RTN1: variants seen among roughly 807,000 people sequenced by gnomAD.
The protein encoded by RTN1 is reticulon-1.
In RTN1, 25 loss-of-function variants were observed where a neutral mutation model predicts 65.5. The ratio of observed to expected loss-of-function variants is 0.38; its 90% confidence interval spans 0.28 to 0.53. The LOEUF is 0.53. Among genes scored for constraint, RTN1 ranks in the 20% least tolerant of loss-of-function variants. The probability of loss-of-function intolerance (pLI) is 0.79; values close to 1 mark genes in which losing one functional copy is unlikely to be tolerated. For missense variants in RTN1, 983 were observed against 1,025.4 expected (o/e 0.96, Z 0.57); for synonymous variants, 471 against 447.6 (o/e 1.05, Z -0.66).
intron 2 of RTN1, among the ~76,000 whole-genome samples, chr14:59,729,590 C>T (rs1042234915): frequency 3.3e-5 from 5 of 152,096 alleles, no homozygotes; most frequent in African/African-American, 4.8e-5. Context: ...GACTAGAGCA[C>T]GGAGAAATAA....
chr14:59,638,989 C>T (rs757052538), intron 3 of RTN1, among the ~76,000 whole-genome samples: 1 of 152,164 alleles, frequency 6.6e-6, no homozygotes, highest in African/African-American at 2.4e-5. Flanking sequence ...TCATTTCTAG[C>T]GTTTGATTTA....
intron 3 of RTN1, among the ~76,000 whole-genome samples, chr14:59,648,007 GT>G (rs1882937277): frequency 6.6e-6 from 1 of 152,012 alleles, no homozygotes; most frequent in South Asian, 2.1e-4. Flanking sequence ...AAGAGTTGGT[GT>G]TTTGAAAAAC....
At chr14:59,740,028 T>C (rs1237291834) in intron 2 of RTN1, among the ~76,000 whole-genome samples, 3 of 152,166 alleles carry the variant, frequency 2.0e-5, no homozygotes, top group Admixed American at 6.5e-5. Context: ...TGGTGCCCAC[T>C]CATTCTGCAC....
chr14:59,692,116 C>G (rs1488511294), intron 3 of RTN1, among the ~76,000 whole-genome samples: 1 of 152,088 alleles, frequency 6.6e-6, no homozygotes, highest in Non-Finnish European at 1.5e-5. Context: ...AAAAGACATT[C>G]AAACAGGAAA....
At chr14:59,717,584 T>C (rs1221926484) in intron 3 of RTN1, among the ~76,000 whole-genome samples, 1 of 152,174 alleles carries the variant, frequency 6.6e-6, no homozygotes, top group Non-Finnish European at 1.5e-5. Flanking sequence ...CCATATACTG[T>C]TGGGGCCTTT....
chr14:59,637,441 C>T lies in RTN1; in HGVS notation c.1766-29949G>A, dbSNP rs188465054. On this transcript the variant is annotated intron_variant, in intron 3 of 8. Transcript: ENST00000267484. Reference sequence around the variant, plus strand: ...CATAAAGATTGGAATCAGCCAGGCACGGTGGCTTACGCCTGTAATCCCAGC... The same window carrying T: ...CATAAAGATTGGAATCAGCCAGGCATGGTGGCTTACGCCTGTAATCCCAGC... 2.4e-3 allele frequency among the ~76,000 whole-genome samples: 366 copies of T among 152,292 alleles called. 1 individual carries two copies. Among genetic ancestry groups the T allele is most frequent in the African/African-American group, 8.5e-3 (355 of 41,564 alleles).
At chr14:59,747,639 A>G (rs1885256266) in intron 1 of RTN1, among the ~76,000 whole-genome samples, 1 of 151,416 alleles carries the variant, frequency 6.6e-6, no homozygotes, top group East Asian at 1.9e-4. Flanking sequence ...GCATAAAAGG[A>G]AAACCCTCCA....
At chr14:59,838,697 A>ATT (rs1887257327) in intron 1 of RTN1, among the ~76,000 whole-genome samples, 1 of 152,172 alleles carries the variant, frequency 6.6e-6, no homozygotes, top group Non-Finnish European at 1.5e-5. Flanking sequence ...CACATACCAA[A>ATT]ATATCAATTT....
intron 1 of RTN1, 24 bp from the exon 2 acceptor site, chr14:59,746,505 C>A (rs1289983321): frequency 7.8e-6 from 12 of 1,546,522 alleles, no homozygotes; most frequent in Non-Finnish European, 1.0e-5. Context: ...CAGCAGCAGA[C>A]AGTGAGTGGG....
chr14:59,866,009 T>C (rs1887791658), intron 1 of RTN1, among the ~76,000 whole-genome samples: 1 of 152,138 alleles, frequency 6.6e-6, no homozygotes, highest in Admixed American at 6.5e-5. Flanking sequence ...TATTTACTTA[T>C]CCTGTGTTGA....
At chr14:59,842,042 C>T (rs929487537) in intron 1 of RTN1, among the ~76,000 whole-genome samples, 8 of 151,834 alleles carry the variant, frequency 5.3e-5, no homozygotes, top group African/African-American at 1.9e-4. Flanking sequence ...AAGAAAATCG[C>T]TTGAACCCGG....
chr14:59,695,057 A>G (rs979051501), intron 3 of RTN1, among the ~76,000 whole-genome samples: 6 of 152,162 alleles, frequency 3.9e-5, no homozygotes, highest in African/African-American at 1.4e-4. Flanking sequence ...AAAAACAGCA[A>G]TACCAGCTTC....
chr14:59,826,801 G>A (rs1405132714), intron 1 of RTN1, among the ~76,000 whole-genome samples: 4 of 152,164 alleles, frequency 2.6e-5, no homozygotes, highest in African/African-American at 7.2e-5. Context: ...AAAAGACAGG[G>A]CCCTGCTTTC....
chr14:59,821,658 G>T (rs1886946567), intron 1 of RTN1, among the ~76,000 whole-genome samples: 1 of 152,162 alleles, frequency 6.6e-6, no homozygotes, highest in East Asian at 1.9e-4. Context: ...GTTTGTCATA[G>T]ATGGCTCTTA....
rs867411364 is a variant in RTN1 at position 59,746,074 on chromosome 14, C to G, written c.649G>C (p.Asp217His). 1.2e-6 allele frequency: 2 copies of G among 1,613,996 alleles called. No individual in the cohort carries two copies. The highest frequency in any genetic ancestry group is 1.6e-4 in the Middle Eastern group (1 of 6,084). The change falls in exon 2 of 9, where the codon GAT becomes CAT. Residue 217 changes from aspartate (D) to histidine (H), a missense_variant. Asp to His is a moderately conservative substitution (Grantham distance 81, BLOSUM62 -1). Around this residue, in one of 2 missense-constraint regions of RTN1, gnomAD observed 818 missense variants for 801.8 expected, o/e 1.02. Coordinates refer to ENST00000267484, the MANE Select transcript of RTN1 (RefSeq NM_021136.3). ...HQEQHHPELE[D>H]KDLDFKNKDT... ...TTATTCTTAAAGTCCAAGTCTTTAT[C>G]TTCCAGCTCGGGGTGATGTTGTTCT...
chr14:59,657,719 C>A (rs1439999438), intron 3 of RTN1, among the ~76,000 whole-genome samples: 1 of 152,238 alleles, frequency 6.6e-6, no homozygotes, highest in African/African-American at 2.4e-5. Context: ...GGCCCAGAAA[C>A]TACACTTTTC....
chr14:59,658,647 G>A (rs113586683), intron 3 of RTN1, among the ~76,000 whole-genome samples: 2,732 of 152,298 alleles, frequency 0.018, 76 homozygotes, highest in African/African-American at 0.062. Flanking sequence ...AGAGGGGCCT[G>A]TTAGAAGGGA....
chr14:59,635,654 A>T (rs764400619), intron 3 of RTN1, among the ~76,000 whole-genome samples: 1 of 152,184 alleles, frequency 6.6e-6, no homozygotes, highest in Non-Finnish European at 1.5e-5. Context: ...GGAAAAGAAA[A>T]TAATTAGAAT....
chr14:59,758,810 C>T (rs1885691699), intron 1 of RTN1, among the ~76,000 whole-genome samples: 1 of 152,198 alleles, frequency 6.6e-6, no homozygotes, highest in African/African-American at 2.4e-5. Context: ...GATTGAGTCA[C>T]ATTCAAGAGC....
Sources: gnomAD v4.1 joint callset for allele counts (sites outside exome capture counted in the v4.1 genomes callset) on GRCh38, gnomAD v4.1.1 for gene constraint, gnomAD v4.1.1 regional missense constraint, MANE v1.5 for transcripts, NCBI Gene and HGNC (gene_info 2026-07-23, HGNC 2026-07-21) for gene names.